CCDC148: variants seen among roughly 807,000 people sequenced by gnomAD.
CCDC148 encodes coiled-coil domain containing 148, also known as coiled-coil domain-containing protein 148.
CCDC148 carries 89 observed loss-of-function variants against 85.7 expected under a neutral mutation model. That is an observed-to-expected ratio of 1.04 (90% CI 0.87 to 1.24). The LOEUF (loss-of-function observed/expected upper bound fraction) is 1.24, where lower values mean the gene tolerates loss of function less well. Ranked by LOEUF, CCDC148 falls within the 50% of genes most tolerant of loss-of-function variation. The pLI, the probability that CCDC148 is intolerant of heterozygous loss-of-function variation, is 0.00. For synonymous variants in CCDC148, 230 were observed against 213.9 expected (o/e 1.08, Z -0.66); for missense variants, 692 against 671.7 (o/e 1.03, Z -0.33).
At chr2:158,454,660 A>G (rs1688531072) in intron 1 of CCDC148, among the ~76,000 whole-genome samples, 1 of 152,234 alleles carries the variant, frequency 6.6e-6, no homozygotes, top group Admixed American at 6.5e-5. Flanking sequence ...ATGTTCCTGG[A>G]TAAGTGTTCC....
intron 9 of CCDC148, among the ~76,000 whole-genome samples, chr2:158,300,694 T>G (rs1242406202): frequency 1.3e-5 from 2 of 152,208 alleles, no homozygotes; most frequent in Non-Finnish European, 2.9e-5. Flanking sequence ...AGGAGTTTGG[T>G]ATTTCTAAAT....
At chr2:158,437,340 T>C (rs1356391539) in intron 1 of CCDC148, among the ~76,000 whole-genome samples, 2 of 152,182 alleles carry the variant, frequency 1.3e-5, no homozygotes, top group African/African-American at 4.8e-5. Context: ...AATCAATAAA[T>C]GTAATACCTC....
chr2:158,395,167 G>C (rs1226102887), intron 1 of CCDC148, among the ~76,000 whole-genome samples: 1 of 151,998 alleles, frequency 6.6e-6, no homozygotes, highest in Non-Finnish European at 1.5e-5. Flanking sequence ...CCAATAATAT[G>C]GTTTTGTCTA....
chr2:158,413,850 G>A lies in CCDC148; in HGVS notation c.25+42565C>T, dbSNP rs149350103. ...TTGTTACCACTGGACTAAATAACTCGTGAGTGCTTATTTAATCTTTCAAAT... is the reference window on the plus strand; with the variant it reads ...TTGTTACCACTGGACTAAATAACTCATGAGTGCTTATTTAATCTTTCAAAT... On this transcript the variant is annotated intron_variant, in intron 1 of 13. Coordinates refer to ENST00000283233, the MANE Select transcript of CCDC148 (RefSeq NM_138803.4). Among the ~76,000 whole-genome samples, 482 of 152,238 alleles carry A rather than the reference G, an allele frequency of 3.2e-3. 1 individual carries two copies. The highest frequency in any genetic ancestry group is 5.1e-3 in the Non-Finnish European group (350 of 68,022).
At chr2:158,406,623 T>TCTGTTTTTTTTTTTTTTTTTG (rs372903099) in intron 1 of CCDC148, among the ~76,000 whole-genome samples, 1 of 102,858 alleles carries the variant, frequency 9.7e-6, no homozygotes, top group Non-Finnish European at 2.2e-5. Flanking sequence ...CTTTTTTTTT[T>TCTGTTTTTTTTTTTTTTTTTG]TTTTTTTTTT....
At chr2:158,442,489 T>C (rs1687977063) in intron 1 of CCDC148, among the ~76,000 whole-genome samples, 1 of 152,216 alleles carries the variant, frequency 6.6e-6, no homozygotes, top group South Asian at 2.1e-4. Context: ...GGAGAAAAAG[T>C]TGCCATAGGT....
chr2:158,340,212 C>T lies in CCDC148; in HGVS notation c.486+30G>A, dbSNP rs1682606775. 3.7e-6 allele frequency: 6 copies of T among 1,602,592 alleles called. No homozygotes were observed. In the East Asian group the frequency reaches 1.3e-4, roughly 36 times the overall value. On this transcript the variant is annotated intron_variant, in intron 5 of 13. Transcript: ENST00000283233. ...TAGTTGGGACAAAAATGAAATATTA[C>T]ATTATGGAAAATAAAGGTAACATAC...
At position 158,309,502 on chromosome 2, in the gene CCDC148, A is replaced by T. The variant is rs1691866138; in HGVS notation, c.1041T>A (p.His347Gln). ...CCTTAGCCAACATGCTCTCCATTTC[A>T]TGTGTTGCACAAGCCTCAGTGAGTG... ...VLTLTEACAT[H>Q]EMESMLAKDK... The change falls in exon 9 of 14, where the codon CAT (histidine) becomes CAA (glutamine). Residue 347 changes from histidine to glutamine, a missense_variant. Physicochemically the swap from His to Gln is conservative, Grantham distance 24 (BLOSUM62 0). Coordinates refer to ENST00000283233, the MANE Select transcript of CCDC148 (RefSeq NM_138803.4). The T allele has an allele frequency of 1.2e-6, 2 of 1,614,176 alleles. No individual in the cohort carries two copies. The highest frequency in any genetic ancestry group is 1.7e-6 in the Non-Finnish European group (2 of 1,180,008).
chr2:158,445,383 T>C (rs1318939754), intron 1 of CCDC148, among the ~76,000 whole-genome samples: 3 of 152,216 alleles, frequency 2.0e-5, no homozygotes, highest in African/African-American at 7.2e-5. Flanking sequence ...GCTACTCCTC[T>C]CAATACCACT....
chr2:158,348,243 G>C (rs1683090571), intron 2 of CCDC148, among the ~76,000 whole-genome samples: 1 of 152,030 alleles, frequency 6.6e-6, no homozygotes, highest in Admixed American at 6.6e-5. Flanking sequence ...AAGTGTTCTT[G>C]ACAAAATTAA....
At chr2:158,297,103 A>AAG (rs1319662640) in intron 9 of CCDC148, among the ~76,000 whole-genome samples, 2 of 152,190 alleles carry the variant, frequency 1.3e-5, no homozygotes, top group Non-Finnish European at 2.9e-5. Context: ...ACAATTGACC[A>AAG]CACCAAAATA....
chr2:158,352,485 GATGAA>G (rs1405939398), intron 2 of CCDC148, among the ~76,000 whole-genome samples: 2 of 152,124 alleles, frequency 1.3e-5, no homozygotes, highest in Non-Finnish European at 2.9e-5. Flanking sequence ...AGCAACGGAA[GATGAA>G]ATGAATGAAA....
At chr2:158,443,945 A>G (rs2105345137) in intron 1 of CCDC148, among the ~76,000 whole-genome samples, 1 of 152,346 alleles carries the variant, frequency 6.6e-6, no homozygotes, top group East Asian at 1.9e-4. Flanking sequence ...AATAGGTTGC[A>G]ATTCAATTTT....
chr2:158,242,822 C>T (rs1258177710), intron 10 of CCDC148, among the ~76,000 whole-genome samples: 1 of 152,074 alleles, frequency 6.6e-6, no homozygotes, highest in Non-Finnish European at 1.5e-5. Flanking sequence ...TGTCTTTGGA[C>T]TGCTCTCCTT....
intron 11 of CCDC148, among the ~76,000 whole-genome samples, chr2:158,195,289 T>C (rs1373993118): frequency 6.6e-6 from 1 of 152,104 alleles, no homozygotes; most frequent in Non-Finnish European, 1.5e-5. Context: ...CTTATATTAT[T>C]GTCTTATGAT....
intron 9 of CCDC148, among the ~76,000 whole-genome samples, chr2:158,259,973 T>A (rs978861198): frequency 5.3e-5 from 8 of 151,964 alleles, no homozygotes; most frequent in African/African-American, 1.9e-4. Flanking sequence ...GAATACTGCC[T>A]AAAATACACC....
intron 1 of CCDC148, among the ~76,000 whole-genome samples, chr2:158,400,388 T>C (rs1296514674): frequency 5.3e-5 from 8 of 151,064 alleles, no homozygotes; most frequent in African/African-American, 1.9e-4. Flanking sequence ...AGAACAGAGG[T>C]CTCAGAAATA....
intron 1 of CCDC148, among the ~76,000 whole-genome samples, chr2:158,446,042 A>G (rs1688143741): frequency 6.6e-6 from 1 of 152,212 alleles, no homozygotes; most frequent in Non-Finnish European, 1.5e-5. Flanking sequence ...GTAATCAACT[A>G]TGATACTCAA....
chr2:158,320,498 A>T (rs1692472359), intron 7 of CCDC148, among the ~76,000 whole-genome samples: 1 of 152,194 alleles, frequency 6.6e-6, no homozygotes, highest in Non-Finnish European at 1.5e-5. Flanking sequence ...AGTTGTTGTC[A>T]TGAACAATTG....
Sources: gnomAD v4.1 joint callset for allele counts (sites outside exome capture counted in the v4.1 genomes callset) on GRCh38, gnomAD v4.1.1 for gene constraint, MANE v1.5 for transcripts, NCBI Gene and HGNC (gene_info 2026-07-23, HGNC 2026-07-21) for gene names.